Variants in SLC6A2 observed in about 807,000 individuals in gnomAD.
SLC6A2 encodes sodium-dependent noradrenaline transporter.
Under a neutral mutation model 71.7 loss-of-function variants are expected in SLC6A2, and 26 were observed. The observed-to-expected ratio is 0.36, with a 90% confidence interval of 0.27 to 0.50. The LOEUF (loss-of-function observed/expected upper bound fraction) is 0.50, where lower values mean the gene tolerates loss of function less well. SLC6A2 is among the 20% of genes least tolerant of loss of function. The probability of loss-of-function intolerance (pLI) is 0.96; values close to 1 mark genes in which losing one functional copy is unlikely to be tolerated. For synonymous variants in SLC6A2, 363 were observed against 337.9 expected, an observed-to-expected ratio of 1.07 and a Z score of -0.82; for missense variants, 581 against 803.9, an observed-to-expected ratio of 0.72 and a Z score of 3.35.
Position 55,705,847 on chromosome 16 carries a change from T to C in SLC6A2, c.*3501T>C, listed in dbSNP as rs1313506179. The C allele has an allele frequency of 6.6e-6, 1 of 152,298 alleles. No individual in the cohort carries two copies. Among genetic ancestry groups the C allele is most frequent in the East Asian group, 1.9e-4 (1 of 5,206 alleles). The allele number at this position is 152,298 out of a possible 1,614,324, so 9.4% of individuals were successfully genotyped here. On this transcript the variant is annotated 3_prime_UTR_variant, in exon 15 of 15. Transcript: ENST00000568943. ...TCCTCTTTCTCAGATATTTTTCAAC[T>C]GATGCCAGAAACACTTGGTATTTGT...
At position 55,689,676 on chromosome 16, in the gene SLC6A2, G is replaced by T. The variant is rs540830248; in HGVS notation, c.784-2242G>T. On this transcript the variant is annotated intron_variant, in intron 5 of 14. Transcript: ENST00000568943. Reference sequence around the variant, plus strand: ...TTTTGCCAAGGGCTTACACCTATTTGTCCCAGATCAGGAGACTGAATACAA... The same window carrying T: ...TTTTGCCAAGGGCTTACACCTATTTTTCCCAGATCAGGAGACTGAATACAA... Among the ~76,000 whole-genome samples the T allele has an allele frequency of 2.6e-5, 4 of 152,314 alleles. No homozygotes were observed. The South Asian group carries it at 8.3e-4, about 32-fold the overall frequency.
chr16:55,667,014 T>G (rs1365791796), intron 2 of SLC6A2, among the ~76,000 whole-genome samples: 1 of 10,414 alleles, frequency 9.6e-5, no homozygotes, highest in African/African-American at 6.1e-4. Context: ...TCTCTCTAAA[T>G]TTTTTTTTTT....
chr16:55,659,666 G>A lies in SLC6A2; in HGVS notation c.274+2698G>A, dbSNP rs569946075. Among the ~76,000 whole-genome samples, 13 of 152,304 alleles carry A rather than the reference G, an allele frequency of 8.5e-5. No individual in the cohort carries two copies. In the South Asian group the frequency reaches 2.5e-3, roughly 29 times the overall value. On this transcript the variant is annotated intron_variant, in intron 2 of 14. Coordinates refer to ENST00000568943, the MANE Select transcript of SLC6A2 (RefSeq NM_001172501.3). Reference sequence around the variant, plus strand: ...AGAAGGTGCCCAAGAAACTGCTGTTGAATAAGCTAATGAAATGCTCCAAGC... The same window carrying A: ...AGAAGGTGCCCAAGAAACTGCTGTTAAATAAGCTAATGAAATGCTCCAAGC...
chr16:55,664,478 G>A (rs773652204), intron 2 of SLC6A2, among the ~76,000 whole-genome samples: 21 of 152,296 alleles, frequency 1.4e-4, no homozygotes, highest in South Asian at 6.2e-4. Context: ...TCCAGCTGGC[G>A]TTCATGCTGT....
At chr16:55,667,132 A>G (rs776235096) in intron 2 of SLC6A2, among the ~76,000 whole-genome samples, 4 of 152,108 alleles carry the variant, frequency 2.6e-5, no homozygotes, top group Admixed American at 1.3e-4. Flanking sequence ...CCTGGGCTCA[A>G]GTAAGCCTCC....
intron 2 of SLC6A2, among the ~76,000 whole-genome samples, chr16:55,668,096 CCCCCACCA>C (rs1204229025): frequency 6.6e-6 from 1 of 151,968 alleles, no homozygotes; most frequent in African/African-American, 2.4e-5. Flanking sequence ...TCTGCCCTGC[CCCCCACCA>C]CTGATCCATC....
intron 4 of SLC6A2, among the ~76,000 whole-genome samples, chr16:55,674,417 T>A (rs1267975134): frequency 6.6e-6 from 1 of 151,890 alleles, no homozygotes; most frequent in Non-Finnish European, 1.5e-5. Context: ...GTACCACATT[T>A]TCTTTTTCTT....
At chr16:55,657,149 T>C (rs1475983466) in intron 2 of SLC6A2, among the ~76,000 whole-genome samples, 181 bp downstream of exon 2, 2 of 151,794 alleles carry the variant, frequency 1.3e-5, no homozygotes, top group Non-Finnish European at 2.9e-5. Flanking sequence ...TGGAAGGTCA[T>C]TTTCCCAGGC....
intron 13 of SLC6A2, among the ~76,000 whole-genome samples, chr16:55,701,048 C>A (rs1370827395): frequency 5.3e-5 from 8 of 152,148 alleles, no homozygotes; most frequent in African/African-American, 7.2e-5. Flanking sequence ...TTTATCCACT[C>A]ACTTGGAAGG....
Position 55,702,852 on chromosome 16 carries a change from A to G in SLC6A2, c.*506A>G, listed in dbSNP as rs1966018441. ...TAGACCCTCCTCTTGCCCACCCTAGACAGCCCTCTCATGTCTGAACCTCAG... is the reference window on the plus strand; with the variant it reads ...TAGACCCTCCTCTTGCCCACCCTAGGCAGCCCTCTCATGTCTGAACCTCAG... On this transcript the variant is annotated 3_prime_UTR_variant, in exon 15 of 15. Coordinates refer to ENST00000568943, the MANE Select transcript of SLC6A2 (RefSeq NM_001172501.3). 2 of 999,742 alleles carry G rather than the reference A, an allele frequency of 2.0e-6. No homozygotes were observed. The highest frequency in any genetic ancestry group is 1.2e-6 in the Non-Finnish European group (1 of 838,224). 61.9% of individuals were successfully genotyped at this position (999,742 alleles called of 1,614,324 possible). A position where few individuals can be genotyped will look rare whatever the true frequency, so the allele number is the denominator to read the frequency against.
intron 12 of SLC6A2, 122 bp downstream of exon 12, chr16:55,699,776 A>G (rs1190164512): frequency 9.2e-6 from 7 of 761,982 alleles, no homozygotes; most frequent in Non-Finnish European, 1.2e-5. Flanking sequence ...CTGGTCATGC[A>G]GAGGGGTCAC....
chr16:55,698,706 C>A, intron 11 of SLC6A2, 138 bp downstream of exon 11: 1 of 720,104 alleles, frequency 1.4e-6, no homozygotes, highest in Non-Finnish European at 2.5e-6. Flanking sequence ...GGGAACAAAT[C>A]TCAATCCTCG....
At chr16:55,692,469 G>A (rs1277791018) in intron 6 of SLC6A2, among the ~76,000 whole-genome samples, 2 of 152,128 alleles carry the variant, frequency 1.3e-5, no homozygotes, top group African/African-American at 2.4e-5. Context: ...TCAGCACAAG[G>A]ATAGTCTTAG....
chr16:55,694,970 C>G (rs1965749476), intron 7 of SLC6A2, among the ~76,000 whole-genome samples: 1 of 152,186 alleles, frequency 6.6e-6, no homozygotes, highest in Admixed American at 6.5e-5. Context: ...TAGCAAAGCT[C>G]TTGAATGACA....
rs116656273 is a variant in SLC6A2 at position 55,703,771 on chromosome 16, G to A, written c.*1425G>A. The stretch of plus-strand genomic sequence containing the variant: ...GATCTTGGGAAAAAATAAAGAAGCC[G>A]CTGCATTCGCACGTCAAGAAGGTGC... On this transcript the variant is annotated 3_prime_UTR_variant, in exon 15 of 15. Transcript: ENST00000568943. 3.7e-3 allele frequency: 3,670 copies of A among 985,332 alleles called. 93 individuals are homozygous for A. In the African/African-American group the frequency reaches 0.055, roughly 15 times the overall value. The allele number at this position is 985,332 out of a possible 1,614,324, so 61.0% of individuals were successfully genotyped here.
intron 5 of SLC6A2, 63 bp from the exon 6 acceptor site, chr16:55,691,855 C>G (rs1209184474): frequency 6.3e-7 from 1 of 1,595,124 alleles, no homozygotes; most frequent in Non-Finnish European, 8.6e-7. Context: ...CTCTGTGCCC[C>G]ACCAGCCCGC....
Position 55,701,904 on chromosome 16 carries a change from G to A in SLC6A2, c.1800G>A (p.Leu600=). ...TCACGCCAGAGAACGAGCACCACCT[G>A]GTGGCTCAGAGGGACATCAGACAGT... ...YGITPENEHH[L]VAQRDIRQFQ... Residue 600 remains leucine, a synonymous_variant, in exon 14 of 15, where the codon CTG becomes CTA. Coordinates refer to ENST00000568943, the MANE Select transcript of SLC6A2 (RefSeq NM_001172501.3). 2 of 1,614,080 alleles carry A rather than the reference G, an allele frequency of 1.2e-6. No individual in the cohort carries two copies. The highest frequency in any genetic ancestry group is 1.7e-6 in the Non-Finnish European group (2 of 1,179,926).
intron 6 of SLC6A2, among the ~76,000 whole-genome samples, chr16:55,692,754 A>G (rs1279502103): frequency 1.3e-5 from 2 of 152,112 alleles, no homozygotes; most frequent in African/African-American, 4.8e-5. Context: ...CTTTATTTGA[A>G]CCCATAATAA....
chr16:55,668,569 T>C (rs539485800), intron 2 of SLC6A2, among the ~76,000 whole-genome samples: 1 of 152,276 alleles, frequency 6.6e-6, no homozygotes, highest in African/African-American at 2.4e-5. Flanking sequence ...AAGGAGCTGG[T>C]GTGTTGCTTT....
Sources: allele counts gnomAD v4.1 joint callset (sites outside exome capture counted in the v4.1 genomes callset), GRCh38; gene constraint gnomAD v4.1.1; transcripts MANE v1.5; gene names NCBI Gene and HGNC (gene_info 2026-07-23, HGNC 2026-07-21).